Variants in SHOX observed in about 807,000 individuals in gnomAD.
SHOX encodes the protein short stature homeobox protein.
A neutral mutation model predicts 29.6 loss-of-function variants in SHOX; 12 were observed. That is an observed-to-expected ratio of 0.41 (90% CI 0.26 to 0.66). SHOX has a LOEUF of 0.66. SHOX is among the 30% of genes least tolerant of loss of function. The pLI is 0.35. For missense variants in SHOX, 499 were observed against 437.7 expected (o/e 1.14, Z -1.25); for synonymous variants, 214 against 200.6 (o/e 1.07, Z -0.57).
chrX:636,970 A>ATATTTT (rs1458275715), intron 2 of SHOX, among the ~76,000 whole-genome samples: 2 of 137,330 alleles, frequency 1.5e-5, no homozygotes, highest in African/African-American at 5.6e-5. Flanking sequence ...ATATATATAT[A>ATATTTT]TTTTGGCTCC....
intron 2 of SHOX, among the ~76,000 whole-genome samples, chrX:640,541 A>G (rs2052835125): frequency 6.6e-6 from 1 of 152,126 alleles, no homozygotes. Context: ...GTGCCACTGC[A>G]CTCCAGCCTG....
At position 645,387 on chromosome X, in the gene SHOX, GGTATTTTTTTTT is replaced by G. The variant is rs2052946097; in HGVS notation, c.*752_*763del. On this transcript the variant is annotated 3_prime_UTR_variant, in exon 5 of 5. Transcript: ENST00000686671. ...ATTGGGTCTGGTTTTGTTTTGGATT[GGTATTTTTTTTT>G]TTTTTTTTTTTTTTTTTTTTTTTTG... 1 of 85,128 alleles carries G rather than the reference GGTATTTTTTTTT, an allele frequency of 1.2e-5. No individual in the cohort carries two copies. Among genetic ancestry groups the G allele is most frequent in the African/African-American group, 4.9e-5 (1 of 20,514 alleles). 5.3% of individuals were successfully genotyped at this position (85,128 alleles called of 1,614,324 possible).
chrX:636,874 C>T (rs2052768382), intron 2 of SHOX, among the ~76,000 whole-genome samples: 1 of 144,934 alleles, frequency 6.9e-6, no homozygotes, highest in Non-Finnish European at 1.5e-5. Context: ...ACAACTTTTC[C>T]ATCGATGTTG....
At position 630,839 on chromosome X, in the gene SHOX, C is replaced by T. The variant is rs2052633930; in HGVS notation, c.-59C>T. 1 of 1,605,220 alleles carries T rather than the reference C, an allele frequency of 6.2e-7. No homozygotes were observed. The highest frequency in any genetic ancestry group is 1.1e-5 in the South Asian group (1 of 90,788). On this transcript the variant is annotated 5_prime_UTR_variant, in exon 1 of 5. Coordinates refer to ENST00000686671, the MANE Select transcript of SHOX (RefSeq NM_000451.4). ...ACCCGCGCGCACGGGCCGTCCTCTC[C>T]GCGCGGGGAGACGCGCGCATCCACC...
chrX:651,158 C>T lies in SHOX; in HGVS notation c.*6522C>T, dbSNP rs972248449. On this transcript the variant is annotated 3_prime_UTR_variant, in exon 5 of 5. Transcript: ENST00000686671. ...TAAATATGTACTATTTTAATTATGT[C>T]GAGTGTAAATTTGACATCGCGTTGC... 2 of 391,816 alleles carry T rather than the reference C, an allele frequency of 5.1e-6. No individual in the cohort carries two copies. Among genetic ancestry groups the T allele is most frequent in the South Asian group, 3.8e-5 (2 of 52,974 alleles). The allele number at this position is 391,816 out of a possible 1,614,324, so 24.3% of individuals were successfully genotyped here.
At chrX:629,179 C>T (rs867784196), upstream of SHOX, among the ~76,000 whole-genome samples, 38 of 150,956 alleles carry the variant, frequency 2.5e-4, no homozygotes, top group African/African-American at 7.8e-4. Context: ...CTGTGTCTCT[C>T]TTTCTCTCTC....
chrX:633,413 C>G (rs575049265), intron 1 of SHOX, among the ~76,000 whole-genome samples: 1 of 141,444 alleles, frequency 7.1e-6, no homozygotes, highest in South Asian at 2.4e-4. Context: ...AGGCACGTGT[C>G]TGATAGGAGG....
At chrX:656,435 T>C (rs1318041345), downstream of SHOX, among the ~76,000 whole-genome samples, 1 of 151,502 alleles carries the variant, frequency 6.6e-6, no homozygotes, top group Non-Finnish European at 1.5e-5. Flanking sequence ...TTTAGCCAGC[T>C]GTGCTGGCTG....
In SHOX at chrX:651,507, C is replaced by T. The variant is rs1007454081; in HGVS notation, c.*6871C>T. On this transcript the variant is annotated 3_prime_UTR_variant, in exon 5 of 5. Transcript: ENST00000686671. Reference sequence around the variant, plus strand: ...CTCAATGTTGAGTTGCAGCAACAGACTGTATTTTTGTGACGCCCCGTAGTA... The same window carrying T: ...CTCAATGTTGAGTTGCAGCAACAGATTGTATTTTTGTGACGCCCCGTAGTA... 7 of 420,804 alleles carry T rather than the reference C, an allele frequency of 1.7e-5. No individual in the cohort carries two copies. The highest frequency in any genetic ancestry group is 3.3e-5 in the Non-Finnish European group (7 of 212,390). 26.1% of individuals were successfully genotyped at this position (420,804 alleles called of 1,614,324 possible). A position where few individuals can be genotyped will look rare whatever the true frequency, so the allele number is the denominator to read the frequency against.
Position 630,862 on chromosome X carries a change from A to G in SHOX, c.-36A>G. On this transcript the variant is annotated 5_prime_UTR_variant, in exon 1 of 5. Coordinates refer to ENST00000686671, the MANE Select transcript of SHOX (RefSeq NM_000451.4). The stretch of plus-strand genomic sequence containing the variant: ...TCCGCGCGGGGAGACGCGCGCATCC[A>G]CCAGCCCCGGCTGCTCGCCAGCCCC... 1 of 1,611,324 alleles carries G rather than the reference A, an allele frequency of 6.2e-7. No individual in the cohort carries two copies. The highest frequency in any genetic ancestry group is 8.5e-7 in the Non-Finnish European group (1 of 1,179,424).
downstream of SHOX, among the ~76,000 whole-genome samples, chrX:653,642 T>A (rs1050733647): frequency 5.3e-5 from 8 of 152,140 alleles, no homozygotes; most frequent in African/African-American, 1.9e-4. Flanking sequence ...AAAATTAACT[T>A]TTTCACACGG....
chrX:632,954 C>G (rs888254552), intron 1 of SHOX, among the ~76,000 whole-genome samples: 4 of 152,154 alleles, frequency 2.6e-5, no homozygotes, highest in African/African-American at 9.7e-5. Flanking sequence ...CTCTTCTCCC[C>G]CTGGCCGTGG....
intron 2 of SHOX, 152 bp downstream of exon 2, chrX:634,978 A>G (rs2052719385): frequency 1.4e-5 from 10 of 720,452 alleles, no homozygotes; most frequent in Admixed American, 8.6e-5. Context: ...GGGTTCCTGG[A>G]CTTTTGGAGA....
rs769555283 is a variant in SHOX, at chrX:634,781, C to G, written c.441C>G (p.Arg147=). 3.1e-6 allele frequency: 5 copies of G among 1,602,588 alleles called. No homozygotes were observed. The highest frequency in any genetic ancestry group is 2.2e-5 in the South Asian group (2 of 89,436). ...DETHYPDAFM[R]EELSQRLGLS... is the part of the protein sequence containing the mutation. The stretch of plus-strand genomic sequence containing the variant: ...CCCATTACCCCGACGCCTTCATGCG[C>G]GAGGAGCTCAGCCAGCGCCTGGGGC... Residue 147 remains arginine (R), a synonymous_variant, in exon 2 of 5, where the codon CGC becomes CGG. Transcript: ENST00000686671.
intron 5 of SHOX, among the ~76,000 whole-genome samples, chrX:658,099 C>T (rs1209495773): frequency 1.9e-4 from 29 of 151,964 alleles, no homozygotes; most frequent in Admixed American, 3.9e-4. Context: ...CTCAGCCTCC[C>T]GAGTAGCTGG....
In SHOX at chrX:646,745, G is replaced by A. The variant is rs1466726423; in HGVS notation, c.*2109G>A. The A allele has an allele frequency of 6.6e-6, 1 of 151,470 alleles. No homozygotes were observed. Among genetic ancestry groups the A allele is most frequent in the East Asian group, 1.9e-4 (1 of 5,156 alleles). The allele number at this position is 151,470 out of a possible 1,614,324, so 9.4% of individuals were successfully genotyped here. On this transcript the variant is annotated 3_prime_UTR_variant, in exon 5 of 5. Transcript: ENST00000686671. ...GAGAGAAAGAATCCCAGACATTAAC[G>A]GTATTAGAGAGTTTGCCTCATTCAT...
At chrX:625,529 ATC>A (rs2124132166) in intron 1 of SHOX, among the ~76,000 whole-genome samples, 1 of 148,302 alleles carries the variant, frequency 6.7e-6, no homozygotes, top group South Asian at 2.2e-4. Flanking sequence ...CTATCTCTGT[ATC>A]TCTGTCTCTC....
At position 649,059 on chromosome X, in the gene SHOX, A is replaced by G. The variant is rs1196017073; in HGVS notation, c.*4423A>G. The stretch of plus-strand genomic sequence containing the variant: ...TTTTTCTTTCTTCTTTCTTTCTTCG[A>G]TGAAGTCTCACTCTGTCACCCAGGC... On this transcript the variant is annotated 3_prime_UTR_variant, in exon 5 of 5. Coordinates refer to ENST00000686671, the MANE Select transcript of SHOX (RefSeq NM_000451.4). Among the ~76,000 whole-genome samples the G allele has an allele frequency of 7.7e-6, 1 of 129,632 alleles. No homozygotes were observed. Among genetic ancestry groups the G allele is most frequent in the Non-Finnish European group, 1.6e-5 (1 of 63,168 alleles). 85.0% of individuals were successfully genotyped at this position (129,632 alleles called of 152,430 possible).
intron 1 of SHOX, chrX:632,073 G>T (rs2052660994): frequency 2.2e-6 from 1 of 447,456 alleles, no homozygotes. Flanking sequence ...TCCTTTGAAC[G>T]TCGAGGCTTG....
Sources: allele counts gnomAD v4.1 joint callset (sites outside exome capture counted in the v4.1 genomes callset), GRCh38; gene constraint gnomAD v4.1.1; transcripts MANE v1.5; gene names NCBI Gene and HGNC (gene_info 2026-07-23, HGNC 2026-07-21).